ACTR3C: variants seen among roughly 807,000 people sequenced by gnomAD.
ACTR3C encodes the protein actin related protein 3C, also known as actin-related protein 3C.
ACTR3C carries 18 observed loss-of-function variants against 26.3 expected under a neutral mutation model. The ratio of observed to expected loss-of-function variants is 0.68; its 90% CI spans 0.47 to 1.01. The LOEUF (loss-of-function observed/expected upper bound fraction) is 1.01. Ranked by LOEUF, ACTR3C falls within the 50% of genes least tolerant of loss-of-function variation. The pLI is 0.00. For missense variants in ACTR3C, 184 were observed against 250.7 expected, an observed-to-expected ratio of 0.73 and a Z score of 1.80; for synonymous variants, 55 against 94.5, an observed-to-expected ratio of 0.58 and a Z score of 2.42.
chr7:150,113,078 A>T, the ACTR3C span, among the ~76,000 whole-genome samples: 2 of 152,088 alleles, frequency 1.3e-5, no homozygotes, highest in Admixed American at 1.3e-4. Context: ...GGGGAAACAG[A>T]TGGGGAAAAT....
the ACTR3C span, among the ~76,000 whole-genome samples, chr7:150,211,469 T>G: frequency 1.3e-5 from 2 of 151,540 alleles, no homozygotes; most frequent in South Asian, 4.1e-4. Context: ...TTAGTAGAGA[T>G]GGGGTTTCGC....
chr7:149,939,275 C>T, the ACTR3C span, among the ~76,000 whole-genome samples: 36 of 152,272 alleles, frequency 2.4e-4, no homozygotes, highest in African/African-American at 7.5e-4. Flanking sequence ...CCACCGCACC[C>T]GGCCCAAATA....
the ACTR3C span, among the ~76,000 whole-genome samples, chr7:149,918,925 G>C: frequency 2.0e-5 from 3 of 152,158 alleles, no homozygotes; most frequent in African/African-American, 7.2e-5. Context: ...GACTGGAATA[G>C]GAGGGCTGAG....
chr7:149,899,277 C>T, the ACTR3C span, among the ~76,000 whole-genome samples: 2 of 147,932 alleles, frequency 1.4e-5, no homozygotes, highest in East Asian at 2.0e-4. Flanking sequence ...ACCGAGATAA[C>T]ACAGACATTA....
the ACTR3C span, among the ~76,000 whole-genome samples, chr7:150,164,353 C>A: frequency 6.6e-6 from 1 of 152,168 alleles, no homozygotes; most frequent in Non-Finnish European, 1.5e-5. Context: ...GACAAGACCA[C>A]CACAGTGATG....
chr7:150,133,145 C>T, the ACTR3C span, among the ~76,000 whole-genome samples: 1 of 152,150 alleles, frequency 6.6e-6, no homozygotes, highest in African/African-American at 2.4e-5. Context: ...CAGTGTATCA[C>T]AGGCAGCTCT....
the ACTR3C span, among the ~76,000 whole-genome samples, chr7:150,043,963 G>C: frequency 6.6e-6 from 1 of 152,286 alleles, no homozygotes; most frequent in East Asian, 1.9e-4. Flanking sequence ...AGACATAGCG[G>C]ATGATGAAAT....
the ACTR3C span, among the ~76,000 whole-genome samples, chr7:150,234,548 C>T: frequency 2.0e-5 from 3 of 152,260 alleles, no homozygotes; most frequent in African/African-American, 7.2e-5. Context: ...AGGAGTTTAT[C>T]ACTCTCACGC....
At position 150,289,273 on chromosome 7, in the gene ACTR3C, T is replaced by G. The variant is rs150251884; in HGVS notation, c.297+177A>C. Among the ~76,000 whole-genome samples, 327 of 151,906 alleles carry G rather than the reference T, an allele frequency of 2.2e-3. 2 individuals carry two copies. The highest frequency in any genetic ancestry group is 7.5e-3 in the African/African-American group (309 of 41,330). Reference sequence around the variant, plus strand: ...AGCTGGAACCTCAGAGCATCTAGTTTGGAAGAGGTTAAGCTTTACATCTTC... The same window carrying G: ...AGCTGGAACCTCAGAGCATCTAGTTGGGAAGAGGTTAAGCTTTACATCTTC... On this transcript the variant is annotated intron_variant, in intron 4 of 7. Coordinates refer to ENST00000683684, the MANE Select transcript of ACTR3C (RefSeq NM_001164458.2).
the ACTR3C span, among the ~76,000 whole-genome samples, chr7:150,043,475 C>T: frequency 1.3e-5 from 2 of 152,216 alleles, no homozygotes; most frequent in Non-Finnish European, 2.9e-5. Flanking sequence ...GCAGTTGCTG[C>T]CAAGGCCCTC....
chr7:150,103,024 T>G, the ACTR3C span, among the ~76,000 whole-genome samples: 4 of 152,054 alleles, frequency 2.6e-5, no homozygotes, highest in Non-Finnish European at 5.9e-5. Context: ...AGAGGAGAGC[T>G]GTGTATAAAT....
chr7:150,048,136 C>A, the ACTR3C span, among the ~76,000 whole-genome samples: 1 of 152,116 alleles, frequency 6.6e-6, no homozygotes, highest in Non-Finnish European at 1.5e-5. Flanking sequence ...AATTTTTTTC[C>A]CCAACTCCTT....
the ACTR3C span, among the ~76,000 whole-genome samples, chr7:149,916,917 C>G: frequency 6.6e-6 from 1 of 152,142 alleles, no homozygotes; most frequent in African/African-American, 2.4e-5. Context: ...GCCTTTTAAG[C>G]AAAGAATATG....
intron 1 of ACTR3C, among the ~76,000 whole-genome samples, chr7:150,301,427 G>A (rs1404989331): frequency 6.6e-6 from 1 of 152,210 alleles, no homozygotes; most frequent in Non-Finnish European, 1.5e-5. Context: ...CTGGGTCTAA[G>A]TTCAGTGTGA....
chr7:150,199,319 C>G, the ACTR3C span, among the ~76,000 whole-genome samples: 1 of 125,340 alleles, frequency 8.0e-6, no homozygotes, highest in Middle Eastern at 3.6e-3. Context: ...CAACCCTGTG[C>G]TCTCTGAAAC....
chr7:150,181,906 A>G, the ACTR3C span, among the ~76,000 whole-genome samples: 14,637 of 150,218 alleles, frequency 0.097, 3,023 homozygotes, highest in African/African-American at 0.33. Context: ...CTGGACAATT[A>G]TGATGTATCA....
the ACTR3C span, among the ~76,000 whole-genome samples, chr7:150,042,550 G>C: frequency 6.6e-6 from 1 of 151,280 alleles, no homozygotes; most frequent in Non-Finnish European, 1.5e-5. Flanking sequence ...GGGGGGAAGA[G>C]GGGTTGGCTC....
Position 150,289,517 on chromosome 7 carries a change from T to C in ACTR3C, c.230A>G (p.Gln77Arg). The change falls in exon 4 of 8, where the codon CAG (glutamine) becomes CGG (arginine). Residue 77 changes from glutamine to arginine, a missense_variant. Coordinates refer to ENST00000683684, the MANE Select transcript of ACTR3C (RefSeq NM_001164458.2). Reference protein sequence around the residue: ...AGRDITYFIQQLLREREVGIP... With the variant: ...AGRDITYFIQRLLREREVGIP... Reference sequence around the variant, plus strand: ...TCCCACCTCCCTCTCCCTTAGCAGCTGTTGAATGAAATACGTAATATCTCT... The same window carrying C: ...TCCCACCTCCCTCTCCCTTAGCAGCCGTTGAATGAAATACGTAATATCTCT... The C allele has an allele frequency of 6.2e-7, 1 of 1,603,122 alleles. No individual in the cohort carries two copies. The highest frequency in any genetic ancestry group is 8.5e-7 in the Non-Finnish European group (1 of 1,174,344).
chr7:150,019,728 C>A, the ACTR3C span, among the ~76,000 whole-genome samples: 1 of 151,706 alleles, frequency 6.6e-6, no homozygotes, highest in Non-Finnish European at 1.5e-5. Flanking sequence ...ACAATGAATC[C>A]TAGACTTCAC....
Sources: gnomAD v4.1 joint callset for allele counts (sites outside exome capture counted in the v4.1 genomes callset) on GRCh38, gnomAD v4.1.1 for gene constraint, MANE v1.5 for transcripts, NCBI Gene and HGNC (gene_info 2026-07-23, HGNC 2026-07-21) for gene names.